SETDB2: variants seen among roughly 807,000 people sequenced by gnomAD.
The protein encoded by SETDB2 is histone-lysine N-methyltransferase SETDB2.
Under a neutral mutation model 82.5 loss-of-function variants are expected in SETDB2, and 56 were observed. That is an observed-to-expected ratio of 0.68 (90% CI 0.55 to 0.85). The LOEUF is 0.85. Among genes scored for constraint, SETDB2 ranks in the 40% least tolerant of loss-of-function variants. The probability of loss-of-function intolerance (pLI) is 0.00; values close to 1 mark genes in which losing one functional copy is unlikely to be tolerated. For missense variants in SETDB2, 677 were observed against 816.4 expected (o/e 0.83, Z 2.08); for synonymous variants, 272 against 284.9 (o/e 0.95, Z 0.46).
Position 49,488,449 on chromosome 13 carries a change from T to C in SETDB2, c.1736T>C (p.Val579Ala), listed in dbSNP as rs1958638926. Residue 579 changes from valine (V) to alanine (A), a missense_variant, in exon 12 of 14, where the codon GTT (valine) becomes GCT (alanine). Val to Ala is a moderately conservative substitution (Grantham distance 64). Around this residue, in one of 3 missense-constraint regions of SETDB2, gnomAD observed 420 missense variants for 554.6 expected, o/e 0.76. Coordinates refer to ENST00000611815, the MANE Select transcript of SETDB2 (RefSeq NM_001160308.3). Reference sequence around the variant, plus strand: ...CAGAATATTAAAAAGGCAATTGAGGTTCAAATTCAGAAACCCCAAGAGGGA... The same window carrying C: ...CAGAATATTAAAAAGGCAATTGAGGCTCAAATTCAGAAACCCCAAGAGGGA... ...DNQNIKKAIE[V>A]QIQKPQEGRS... 6.2e-7 allele frequency: 1 copy of C among 1,613,794 alleles called. No homozygotes were observed. The highest frequency in any genetic ancestry group is 1.7e-5 in the Admixed American group (1 of 59,988).
chr13:49,450,874 G>A (rs1302048527), intron 1 of SETDB2, among the ~76,000 whole-genome samples: 1 of 151,352 alleles, frequency 6.6e-6, no homozygotes, highest in Non-Finnish European at 1.5e-5. Context: ...ATTTATTTTA[G>A]CATTATTTAT....
chr13:49,472,349 C>T (rs1958267386), intron 5 of SETDB2, among the ~76,000 whole-genome samples: 1 of 152,126 alleles, frequency 6.6e-6, no homozygotes. Context: ...AATCAGTTGG[C>T]AGCCTCTAAG....
chr13:49,490,467 T>C (rs1401777891), intron 12 of SETDB2, among the ~76,000 whole-genome samples: 1 of 152,180 alleles, frequency 6.6e-6, no homozygotes, highest in Non-Finnish European at 1.5e-5. Flanking sequence ...CTAAAAACAA[T>C]GCTCAATGAA....
intron 4 of SETDB2, among the ~76,000 whole-genome samples, chr13:49,465,927 G>T (rs1445516110): frequency 6.6e-6 from 1 of 152,192 alleles, no homozygotes; most frequent in African/African-American, 2.4e-5. Context: ...ACTGATAAGT[G>T]CTTCTGGTGT....
chr13:49,445,490 G>A (rs1228301377), intron 1 of SETDB2: 1 of 152,160 alleles, frequency 6.6e-6, no homozygotes, highest in African/African-American at 2.4e-5. Flanking sequence ...ATTAACACCA[G>A]TTGTCTCTGG....
chr13:49,494,464 T>TTAA lies in SETDB2; in HGVS notation c.*2616_*2618dup, dbSNP rs1384031251. 1 of 152,214 alleles carries TTAA rather than the reference T, an allele frequency of 6.6e-6. No individual in the cohort carries two copies. The highest frequency in any genetic ancestry group is 1.5e-5 in the Non-Finnish European group (1 of 68,032). The allele number at this position is 152,214 out of a possible 1,614,324, so 9.4% of individuals were successfully genotyped here. A position where few individuals can be genotyped will look rare whatever the true frequency, so the allele number is the denominator to read the frequency against. On this transcript the variant is annotated 3_prime_UTR_variant, in exon 14 of 14. Transcript: ENST00000611815. ...AATGGTCTTGGTAGTCTACTCATATTTAAGTGTGGAACACCAAAAAGCTTA... is the reference window on the plus strand; with the variant it reads ...AATGGTCTTGGTAGTCTACTCATATTTAATAAGTGTGGAACACCAAAAAGCTTA...
chr13:49,474,698 G>A (rs559830984), intron 5 of SETDB2, among the ~76,000 whole-genome samples: 2 of 152,262 alleles, frequency 1.3e-5, no homozygotes, highest in East Asian at 3.9e-4. Context: ...GTCCATTATT[G>A]CAGGCTAGGT....
chr13:49,458,784 G>A (rs1360757143), intron 2 of SETDB2, among the ~76,000 whole-genome samples: 1 of 152,192 alleles, frequency 6.6e-6, no homozygotes, highest in Admixed American at 6.5e-5. Flanking sequence ...TTAATGAATA[G>A]CATTATTGTC....
At chr13:49,452,519 C>T (rs988088244) in intron 2 of SETDB2, among the ~76,000 whole-genome samples, 1 of 152,186 alleles carries the variant, frequency 6.6e-6, no homozygotes, top group Non-Finnish European at 1.5e-5. Flanking sequence ...TAACATTTTA[C>T]ATTTGGATGC....
chr13:49,481,756 T>G (rs770472559), intron 8 of SETDB2, among the ~76,000 whole-genome samples: 5 of 152,212 alleles, frequency 3.3e-5, no homozygotes, highest in African/African-American at 7.2e-5. Context: ...GCAAAATCCC[T>G]TATTTTCTGT....
rs985231412 is a variant in SETDB2 at position 49,492,645 on chromosome 13, T to A, written c.*796T>A. Reference sequence around the variant, plus strand: ...TTATTTAGGCCAGAAGTAATTGTACTGGGCAAAAATTTCACTTAAAAAACA... The same window carrying A: ...TTATTTAGGCCAGAAGTAATTGTACAGGGCAAAAATTTCACTTAAAAAACA... On this transcript the variant is annotated 3_prime_UTR_variant, in exon 14 of 14. Coordinates refer to ENST00000611815, the MANE Select transcript of SETDB2 (RefSeq NM_001160308.3). The A allele has an allele frequency of 6.6e-6, 1 of 152,160 alleles. No homozygotes were observed. The highest frequency in any genetic ancestry group is 2.4e-5 in the African/African-American group (1 of 41,424). 9.4% of individuals were successfully genotyped at this position (152,160 alleles called of 1,614,324 possible). A position where few individuals can be genotyped will look rare whatever the true frequency, so the allele number is the denominator to read the frequency against.
chr13:49,452,405 A>G (rs1957803154), intron 2 of SETDB2, among the ~76,000 whole-genome samples: 1 of 152,152 alleles, frequency 6.6e-6, no homozygotes, highest in Non-Finnish European at 1.5e-5. Flanking sequence ...CACCTGGCCA[A>G]AATAGGTGAG....
intron 2 of SETDB2, among the ~76,000 whole-genome samples, chr13:49,457,953 T>C (rs1700507508): frequency 6.6e-6 from 1 of 152,216 alleles, no homozygotes; most frequent in African/African-American, 2.4e-5. Context: ...TAAGAGGTAT[T>C]GACTCATATC....
At chr13:49,475,670 T>C (rs1326217391) in intron 5 of SETDB2, among the ~76,000 whole-genome samples, 1 of 152,010 alleles carries the variant, frequency 6.6e-6, no homozygotes, top group Admixed American at 6.6e-5. Flanking sequence ...TTACTTTTTG[T>C]AGGGATGAGG....
Position 49,480,900 on chromosome 13 carries a change from T to A in SETDB2, c.987-47T>A, listed in dbSNP as rs748797063. On this transcript the variant is annotated intron_variant, in intron 7 of 13. Coordinates refer to ENST00000611815, the MANE Select transcript of SETDB2 (RefSeq NM_001160308.3). ...CAGTGTCAGTGAAGTGTCAATAAAC[T>A]GCTTTTTGAGATGTCTGATTTTCTC... 4.4e-6 allele frequency: 7 copies of A among 1,601,444 alleles called. No homozygotes were observed. The Admixed American group carries it at 8.4e-5, about 19-fold the overall frequency.
At chr13:49,474,872 G>A (rs1958323662) in intron 5 of SETDB2, among the ~76,000 whole-genome samples, 1 of 152,220 alleles carries the variant, frequency 6.6e-6, no homozygotes, top group Non-Finnish European at 1.5e-5. Context: ...CTTTGGTCGT[G>A]CTAGCTACAT....
intron 6 of SETDB2, among the ~76,000 whole-genome samples, chr13:49,479,704 G>C (rs77062991): frequency 0.01 from 1,541 of 152,280 alleles, 13 homozygotes; most frequent in Non-Finnish European, 0.016. Context: ...AGAGGGGAAA[G>C]TACATGAAGT....
intron 2 of SETDB2, among the ~76,000 whole-genome samples, chr13:49,452,165 G>A (rs1198087134): frequency 6.6e-6 from 1 of 150,614 alleles, no homozygotes; most frequent in East Asian, 1.9e-4. Context: ...AGGCTGTAGT[G>A]CAGTAGCACA....
chr13:49,466,811 CTT>C (rs3039228), intron 4 of SETDB2, among the ~76,000 whole-genome samples: 6 of 116,764 alleles, frequency 5.1e-5, no homozygotes, highest in South Asian at 2.9e-4. Context: ...GCCTGGCTAA[CTT>C]TTTTTTTTTT....
Sources: allele counts gnomAD v4.1 joint callset (sites outside exome capture counted in the v4.1 genomes callset), GRCh38; gene constraint gnomAD v4.1.1; regional missense constraint gnomAD v4.1.1; transcripts MANE v1.5; gene names NCBI Gene and HGNC (gene_info 2026-07-23, HGNC 2026-07-21).